Variants in RCOR1 observed in about 807,000 individuals in gnomAD.
The protein encoded by RCOR1 is REST corepressor.
In RCOR1, 12 loss-of-function variants were observed where a neutral mutation model predicts 64.0. The ratio of observed to expected loss-of-function variants is 0.19; its 90% CI spans 0.12 to 0.30. The LOEUF (loss-of-function observed/expected upper bound fraction) is 0.30. RCOR1 is among the 10% of genes least tolerant of loss of function. The pLI is 1.00. For synonymous variants in RCOR1, 279 were observed against 227.2 expected, an observed-to-expected ratio of 1.23 and a Z score of -2.05; for missense variants, 502 against 621.2, an observed-to-expected ratio of 0.81 and a Z score of 2.04.
chr14:102,726,396 AC>A (rs1896263475), intron 11 of RCOR1, 71 bp from the exon 12 acceptor site: 1 of 1,381,690 alleles, frequency 7.2e-7, no homozygotes, highest in African/African-American at 1.5e-5. Context: ...TTTTCAGTAC[AC>A]TGGAAATAGC....
chr14:102,618,405 G>A (rs1408953725), intron 2 of RCOR1, among the ~76,000 whole-genome samples: 1 of 152,018 alleles, frequency 6.6e-6, no homozygotes, highest in Non-Finnish European at 1.5e-5. Flanking sequence ...AGGAAGTTGA[G>A]GCTGCAGACC....
At chr14:102,693,284 C>T (rs1272568560) in intron 3 of RCOR1, among the ~76,000 whole-genome samples, 1 of 152,178 alleles carries the variant, frequency 6.6e-6, no homozygotes, top group Non-Finnish European at 1.5e-5. Context: ...TCCAGTCAGA[C>T]ATGCGGGTTC....
rs1044752726 is a variant in RCOR1 at position 102,727,216 on chromosome 14, A to G, written c.*710A>G. 1 of 152,118 alleles carries G rather than the reference A, an allele frequency of 6.6e-6. No individual in the cohort carries two copies. The highest frequency in any genetic ancestry group is 2.1e-4 in the South Asian group (1 of 4,810). 9.4% of individuals were successfully genotyped at this position (152,118 alleles called of 1,614,324 possible). A position where few individuals can be genotyped will look rare whatever the true frequency, so the allele number is the denominator to read the frequency against. ...TAGCTTAAAGGGAACGTGGACCTCA[A>G]TGCTTTCTGCCTTCAACTTTTCAGC... On this transcript the variant is annotated 3_prime_UTR_variant, in exon 12 of 12. Coordinates refer to ENST00000262241, the MANE Select transcript of RCOR1 (RefSeq NM_015156.4).
chr14:102,709,590 A>G (rs969085558), intron 6 of RCOR1, among the ~76,000 whole-genome samples: 3 of 152,204 alleles, frequency 2.0e-5, no homozygotes, highest in Non-Finnish European at 4.4e-5. Context: ...TCTTGGCCCA[A>G]GTATAAATTG....
At chr14:102,678,905 A>AT (rs1322381264) in intron 2 of RCOR1, among the ~76,000 whole-genome samples, 1 of 152,172 alleles carries the variant, frequency 6.6e-6, no homozygotes, top group Non-Finnish European at 1.5e-5. Context: ...TTTTCATCTA[A>AT]TATACCCCCT....
intron 2 of RCOR1, chr14:102,662,777 A>G: frequency 4.4e-6 from 1 of 228,876 alleles, no homozygotes; most frequent in Admixed American, 4.9e-5. Context: ...AGATTATAAG[A>G]TTATGTTGGA....
At chr14:102,676,944 G>A (rs370708044) in intron 2 of RCOR1, among the ~76,000 whole-genome samples, 19 of 101,178 alleles carry the variant, frequency 1.9e-4, no homozygotes, top group African/African-American at 7.7e-4. Flanking sequence ...GCGGCTGGCC[G>A]GGCAGAGGGG....
chr14:102,699,624 A>G lies in RCOR1; in HGVS notation c.446-1654A>G, dbSNP rs944235710. 8.5e-5 allele frequency among the ~76,000 whole-genome samples: 13 copies of G among 152,146 alleles called. No individual in the cohort carries two copies. The South Asian group carries it at 1.0e-3, about 12-fold the overall frequency. On this transcript the variant is annotated intron_variant, in intron 3 of 11. Transcript: ENST00000262241. The stretch of plus-strand genomic sequence containing the variant: ...TGTTTACTCTTTGTGTCATAGTGGG[A>G]AAGTGGATCACTCTGAGCCTGTTTT...
At chr14:102,633,833 C>A (rs369618621) in intron 2 of RCOR1, among the ~76,000 whole-genome samples, 3 of 152,252 alleles carry the variant, frequency 2.0e-5, no homozygotes, top group African/African-American at 7.2e-5. Flanking sequence ...GCCACCGTAC[C>A]CAGTCCTGGA....
intron 2 of RCOR1, chr14:102,662,490 G>A: frequency 1.9e-6 from 1 of 529,804 alleles, no homozygotes; most frequent in South Asian, 1.4e-5. Context: ...ATGATAATAT[G>A]GTGGTCAAGC....
chr14:102,668,154 T>C (rs1894954092), intron 2 of RCOR1, among the ~76,000 whole-genome samples: 1 of 152,172 alleles, frequency 6.6e-6, no homozygotes, highest in Non-Finnish European at 1.5e-5. Context: ...ATGTGGCTGT[T>C]TAATTCCTCT....
At chr14:102,603,332 A>G (rs1191524811) in intron 2 of RCOR1, among the ~76,000 whole-genome samples, 1 of 151,506 alleles carries the variant, frequency 6.6e-6, no homozygotes, top group Non-Finnish European at 1.5e-5. Context: ...ATTTGTTTAT[A>G]TGTACTTTTT....
chr14:102,647,934 C>T (rs1894509429), intron 2 of RCOR1, among the ~76,000 whole-genome samples: 1 of 152,126 alleles, frequency 6.6e-6, no homozygotes, highest in Non-Finnish European at 1.5e-5. Context: ...CTACCTTGTG[C>T]TCCCAAAGTG....
At chr14:102,618,692 CTT>C (rs1410544841) in intron 2 of RCOR1, among the ~76,000 whole-genome samples, 1 of 152,180 alleles carries the variant, frequency 6.6e-6, no homozygotes, top group Non-Finnish European at 1.5e-5. Flanking sequence ...TAGAAAATAA[CTT>C]TGTATATTAG....
chr14:102,665,327 TTTTA>T (rs1894897439), intron 2 of RCOR1, among the ~76,000 whole-genome samples: 1 of 150,512 alleles, frequency 6.6e-6, no homozygotes, highest in African/African-American at 2.5e-5. Context: ...TTTTTTTTTT[TTTTA>T]AATAAAATAG....
intron 2 of RCOR1, among the ~76,000 whole-genome samples, chr14:102,661,395 A>C (rs1894820835): frequency 6.6e-6 from 1 of 152,184 alleles, no homozygotes; most frequent in South Asian, 2.1e-4. Flanking sequence ...GGCTTTAAAA[A>C]ACCTGACTGA....
intron 2 of RCOR1, among the ~76,000 whole-genome samples, chr14:102,678,189 C>G (rs866257746): frequency 3.0e-4 from 46 of 151,606 alleles, no homozygotes; most frequent in African/African-American, 1.0e-3. Flanking sequence ...AGAGGGAGAC[C>G]GTGGAAGGAG....
intron 2 of RCOR1, among the ~76,000 whole-genome samples, chr14:102,671,917 A>T (rs1002800338): frequency 1.3e-5 from 2 of 152,190 alleles, no homozygotes; most frequent in African/African-American, 4.8e-5. Context: ...ATGTAAATAA[A>T]ATCATACAAT....
In RCOR1 at chr14:102,677,148, G is replaced by A. The variant is rs1328527431; in HGVS notation, c.362-4747G>A. On this transcript the variant is annotated intron_variant, in intron 2 of 11. Transcript: ENST00000262241. Reference sequence around the variant, plus strand: ...CACCTCCCGGACGGGGCGGCTGGCCGGGCGGGGGGCTGACCCCCCCCCACC... The same window carrying A: ...CACCTCCCGGACGGGGCGGCTGGCCAGGCGGGGGGCTGACCCCCCCCCACC... Among the ~76,000 whole-genome samples, 993 of 133,318 alleles carry A rather than the reference G, an allele frequency of 7.4e-3. 25 individuals carry two copies. Among genetic ancestry groups the A allele is most frequent in the African/African-American group, 0.028 (947 of 34,156 alleles). 87.5% of individuals were successfully genotyped at this position (133,318 alleles called of 152,430 possible). A position where few individuals can be genotyped will look rare whatever the true frequency, so the allele number is the denominator to read the frequency against.
Sources: allele counts gnomAD v4.1 joint callset (sites outside exome capture counted in the v4.1 genomes callset), GRCh38; gene constraint gnomAD v4.1.1; transcripts MANE v1.5; gene names NCBI Gene and HGNC (gene_info 2026-07-23, HGNC 2026-07-21).